Variants in NKAIN3 observed in about 807,000 individuals in gnomAD.
The protein encoded by NKAIN3 is sodium/potassium transporting ATPase interacting 3, also known as sodium/potassium-transporting ATPase subunit beta-1-interacting protein 3.
In NKAIN3, 25 loss-of-function variants were observed where a neutral mutation model predicts 30.2. The observed-to-expected ratio is 0.83, with a 90% CI of 0.60 to 1.16. NKAIN3 has a LOEUF of 1.16. NKAIN3 is among the 50% of genes most tolerant of loss of function. NKAIN3 has a pLI of 0.00. For synonymous variants in NKAIN3, 91 were observed against 89.6 expected (o/e 1.02, Z -0.09); for missense variants, 225 against 254.1 (o/e 0.89, Z 0.78).
chr8:62,884,516 C>G (rs1821085750), intron 4 of NKAIN3, among the ~76,000 whole-genome samples: 1 of 152,188 alleles, frequency 6.6e-6, no homozygotes, highest in South Asian at 2.1e-4. Context: ...CTCGGCCTCC[C>G]AAAGTGCTGG....
At chr8:62,614,673 C>A (rs1811394700) in intron 3 of NKAIN3, among the ~76,000 whole-genome samples, 1 of 152,114 alleles carries the variant, frequency 6.6e-6, no homozygotes, top group Non-Finnish European at 1.5e-5. Flanking sequence ...ACAAATCTAC[C>A]TTGTGTTCTA....
chr8:62,285,996 A>T (rs531760205), intron 1 of NKAIN3, among the ~76,000 whole-genome samples: 11 of 152,300 alleles, frequency 7.2e-5, no homozygotes, highest in Admixed American at 1.3e-4. Flanking sequence ...ACATATTTTT[A>T]TGTGCAAGAT....
chr8:62,739,146 G>A (rs28804670), intron 3 of NKAIN3, among the ~76,000 whole-genome samples: 4,096 of 152,156 alleles, frequency 0.027, 193 homozygotes, highest in African/African-American at 0.093. Flanking sequence ...ATAGCATTAA[G>A]AGAAATACCT....
At chr8:62,916,726 T>A (rs987167346) in intron 4 of NKAIN3, among the ~76,000 whole-genome samples, 1 of 152,192 alleles carries the variant, frequency 6.6e-6, no homozygotes, top group Non-Finnish European at 1.5e-5. Context: ...AACACAACAC[T>A]GCTTCCTCCT....
chr8:62,586,164 A>G (rs1810466311), intron 2 of NKAIN3, among the ~76,000 whole-genome samples: 1 of 152,200 alleles, frequency 6.6e-6, no homozygotes, highest in African/African-American at 2.4e-5. Context: ...AGGACAATTC[A>G]TTTTAATCTG....
At chr8:62,914,820 A>T (rs1264171104) in intron 4 of NKAIN3, among the ~76,000 whole-genome samples, 1 of 134,328 alleles carries the variant, frequency 7.4e-6, no homozygotes, top group Non-Finnish European at 1.5e-5. Flanking sequence ...AAGTACTGGG[A>T]TACATGTGCA....
chr8:62,874,807 G>A (rs1820745223), intron 4 of NKAIN3, among the ~76,000 whole-genome samples: 1 of 152,116 alleles, frequency 6.6e-6, no homozygotes, highest in Non-Finnish European at 1.5e-5. Flanking sequence ...GGTATTGATG[G>A]AATATATCTC....
chr8:62,588,238 T>C (rs1563472124), intron 2 of NKAIN3, among the ~76,000 whole-genome samples: 1 of 151,804 alleles, frequency 6.6e-6, no homozygotes, highest in Non-Finnish European at 1.5e-5. Context: ...GTTTAAAATT[T>C]ACTAAGTCCA....
At chr8:62,950,097 T>A (rs1014441518) in intron 5 of NKAIN3, among the ~76,000 whole-genome samples, 1 of 152,234 alleles carries the variant, frequency 6.6e-6, no homozygotes, top group Admixed American at 6.5e-5. Flanking sequence ...CAGTGTAATA[T>A]GACTGCCTTT....
chr8:62,634,690 T>A (rs1437243779), intron 3 of NKAIN3, among the ~76,000 whole-genome samples: 1 of 152,066 alleles, frequency 6.6e-6, no homozygotes. Context: ...GAGACAGAGA[T>A]GGAAAGGAGC....
At chr8:62,580,906 T>TATATA (rs71974501) in intron 2 of NKAIN3, among the ~76,000 whole-genome samples, 47 of 112,314 alleles carry the variant, frequency 4.2e-4, no homozygotes, top group East Asian at 1.2e-3. Context: ...GCTAGGGTTT[T>TATATA]TATATATATA....
intron 1 of NKAIN3, among the ~76,000 whole-genome samples, chr8:62,262,477 T>C (rs534441248): frequency 3.0e-4 from 45 of 152,310 alleles, no homozygotes; most frequent in African/African-American, 9.4e-4. Context: ...AAGCCACTAA[T>C]TCTTTTTGAT....
chr8:62,301,736 C>T (rs564892527), intron 1 of NKAIN3, among the ~76,000 whole-genome samples: 5 of 151,998 alleles, frequency 3.3e-5, no homozygotes, highest in South Asian at 2.1e-4. Flanking sequence ...GAAATAGAAC[C>T]GGTTTCCCAG....
intron 2 of NKAIN3, among the ~76,000 whole-genome samples, chr8:62,583,873 A>C (rs142581249): frequency 3.9e-4 from 59 of 152,360 alleles, no homozygotes; most frequent in Non-Finnish European, 7.6e-4. Flanking sequence ...AAGAATCATT[A>C]ATCTATGAGT....
chr8:62,820,072 G>A (rs1818805981), intron 4 of NKAIN3, among the ~76,000 whole-genome samples: 1 of 152,096 alleles, frequency 6.6e-6, no homozygotes, highest in South Asian at 2.1e-4. Context: ...GAAGCTGAAA[G>A]ATAGTTAGGA....
chr8:62,921,364 T>A (rs1010724715), intron 5 of NKAIN3, among the ~76,000 whole-genome samples: 2 of 152,220 alleles, frequency 1.3e-5, no homozygotes, highest in Non-Finnish European at 2.9e-5. Flanking sequence ...AGCCTTGTTC[T>A]TGGGCTGAAA....
intron 1 of NKAIN3, among the ~76,000 whole-genome samples, chr8:62,467,774 A>G (rs1174268746): frequency 6.6e-6 from 1 of 152,014 alleles, no homozygotes; most frequent in African/African-American, 2.4e-5. Context: ...TTATTTATTT[A>G]TTTATTTTTG....
chr8:62,578,116 A>G (rs1810173830), intron 1 of NKAIN3, among the ~76,000 whole-genome samples: 1 of 152,124 alleles, frequency 6.6e-6, no homozygotes, highest in African/African-American at 2.4e-5. Context: ...TATTTTATCA[A>G]TACAAAACTA....
chr8:62,633,689 A>G (rs943559715), intron 3 of NKAIN3, among the ~76,000 whole-genome samples: 2 of 152,128 alleles, frequency 1.3e-5, no homozygotes, highest in African/African-American at 2.4e-5. Context: ...TTGAGCACAG[A>G]TGCCACGCTG....
Sources: gnomAD v4.1 joint callset for allele counts (sites outside exome capture counted in the v4.1 genomes callset) on GRCh38, gnomAD v4.1.1 for gene constraint, MANE v1.5 for transcripts, NCBI Gene and HGNC (gene_info 2026-07-23, HGNC 2026-07-21) for gene names.